The following SORCS2 variants were observed in gnomAD, a reference collection of about 807,000 sequenced individuals.
SORCS2 encodes the protein sortilin related VPS10 domain containing receptor 2.
SORCS2 carries 100 observed loss-of-function variants against 141.6 expected under a neutral mutation model. That is an observed-to-expected ratio of 0.71 (90% CI 0.60 to 0.83). SORCS2 has a LOEUF of 0.83. Among genes scored for constraint, SORCS2 ranks in the 40% least tolerant of loss-of-function variants. The probability of loss-of-function intolerance (pLI) is 0.00; values close to 1 mark genes in which losing one functional copy is unlikely to be tolerated. For missense variants in SORCS2, 1,646 were observed against 1,560.2 expected (o/e 1.05, Z -0.93); for synonymous variants, 789 against 676.9 (o/e 1.17, Z -2.57).
chr4:7,388,356 A>T (rs1433941730), intron 1 of SORCS2, among the ~76,000 whole-genome samples: 3 of 152,244 alleles, frequency 2.0e-5, no homozygotes, highest in African/African-American at 7.2e-5. Flanking sequence ...GGTTTTGGCC[A>T]GATGAGAAAA....
At chr4:7,640,237 T>TGTGA in intron 4 of SORCS2, among the ~76,000 whole-genome samples, 1 of 150,048 alleles carries the variant, frequency 6.7e-6, no homozygotes, top group South Asian at 2.1e-4. Context: ...CGTGTGTGTG[T>TGTGA]GAGAACCTAT....
chr4:7,359,758 G>T (rs373172140), intron 1 of SORCS2, among the ~76,000 whole-genome samples: 6 of 152,180 alleles, frequency 3.9e-5, no homozygotes, highest in Admixed American at 1.3e-4. Flanking sequence ...ATTAAAATCA[G>T]GTCAACAGGA....
intron 1 of SORCS2, among the ~76,000 whole-genome samples, chr4:7,308,881 A>G (rs1718008945): frequency 6.6e-6 from 1 of 152,040 alleles, no homozygotes. Context: ...GCCCGTGCAC[A>G]GCAGCAGCAG....
chr4:7,602,127 C>T (rs957172349), intron 3 of SORCS2, among the ~76,000 whole-genome samples: 2 of 152,276 alleles, frequency 1.3e-5, no homozygotes, highest in African/African-American at 4.8e-5. Flanking sequence ...ACTTCCCCCA[C>T]TTCCACTCGA....
chr4:7,215,018 C>A (rs62289677), intron 1 of SORCS2, among the ~76,000 whole-genome samples: 2 of 151,736 alleles, frequency 1.3e-5, no homozygotes, highest in Non-Finnish European at 2.9e-5. Flanking sequence ...CCTGGGCTCC[C>A]ACTTTGGCGG....
chr4:7,258,056 G>T (rs1391532231), intron 1 of SORCS2, among the ~76,000 whole-genome samples: 1 of 152,210 alleles, frequency 6.6e-6, no homozygotes, highest in Non-Finnish European at 1.5e-5. Context: ...GGGAGTGGTG[G>T]CTTCCAGCAG....
At chr4:7,449,677 C>T (rs1452993129) in intron 2 of SORCS2, among the ~76,000 whole-genome samples, 1 of 151,944 alleles carries the variant, frequency 6.6e-6, no homozygotes, top group Non-Finnish European at 1.5e-5. Context: ...CTCCGGAGCC[C>T]CCACATCCTC....
intron 3 of SORCS2, among the ~76,000 whole-genome samples, chr4:7,597,772 A>G (rs1350769245): frequency 2.6e-5 from 4 of 151,942 alleles, no homozygotes; most frequent in Non-Finnish European, 1.5e-5. Flanking sequence ...CGACATTGAG[A>G]TCTATAAGCA....
chr4:7,548,152 T>G (rs577070674), intron 3 of SORCS2, among the ~76,000 whole-genome samples: 1 of 152,290 alleles, frequency 6.6e-6, no homozygotes, highest in African/African-American at 2.4e-5. Flanking sequence ...GAGGAAGGCC[T>G]TTGAGGGCTC....
At chr4:7,551,059 C>T (rs1393387352) in intron 3 of SORCS2, among the ~76,000 whole-genome samples, 2 of 152,170 alleles carry the variant, frequency 1.3e-5, no homozygotes, top group East Asian at 1.9e-4. Flanking sequence ...TGGATTTGTC[C>T]AGGGAAGGCC....
At chr4:7,560,445 A>G (rs13146469) in intron 3 of SORCS2, among the ~76,000 whole-genome samples, 148,246 of 152,160 alleles carry the variant, frequency 0.97, 72,341 homozygotes, top group East Asian at 1. Flanking sequence ...TTTGTCTCTC[A>G]ATGGCTTGGG....
intron 2 of SORCS2, among the ~76,000 whole-genome samples, chr4:7,404,996 T>C (rs2109137671): frequency 6.6e-6 from 1 of 152,316 alleles, no homozygotes; most frequent in Non-Finnish European, 1.5e-5. Context: ...GGGCCTTACA[T>C]TAAAGTCTTT....
intron 2 of SORCS2, chr4:7,433,398 C>T (rs374876500): frequency 6.7e-7 from 1 of 1,502,648 alleles, no homozygotes; most frequent in South Asian, 1.4e-5. Context: ...GCTTGGCGGC[C>T]TCCTGGCTCC....
intron 2 of SORCS2, among the ~76,000 whole-genome samples, chr4:7,424,734 C>T (rs1010418344): frequency 6.6e-6 from 1 of 152,218 alleles, no homozygotes; most frequent in Non-Finnish European, 1.5e-5. Context: ...GTGCGGGCAC[C>T]GTGGTGGGTG....
chr4:7,367,121 C>T (rs1297957193), intron 1 of SORCS2, among the ~76,000 whole-genome samples: 1 of 152,182 alleles, frequency 6.6e-6, no homozygotes, highest in African/African-American at 2.4e-5. Flanking sequence ...GTGATGTGGC[C>T]CCAGCAATGA....
At chr4:7,394,424 G>T (rs1026550651) in intron 1 of SORCS2, among the ~76,000 whole-genome samples, 1 of 149,018 alleles carries the variant, frequency 6.7e-6, no homozygotes, top group African/African-American at 2.5e-5. Context: ...GTGTATGGAG[G>T]GGGCATTGAG....
chr4:7,262,319 CATCCATCCATCCATCT>C (rs1714397729), intron 1 of SORCS2, among the ~76,000 whole-genome samples: 1 of 147,754 alleles, frequency 6.8e-6, no homozygotes, highest in South Asian at 2.1e-4. Context: ...ACCACCTATC[CATCCATCCATCCATCT>C]ATCCATCCAT....
In SORCS2 at chr4:7,712,377, A is replaced by G. The variant is rs146912534; in HGVS notation, c.1869-356A>G. On this transcript the variant is annotated intron_variant, in intron 14 of 26. Coordinates refer to ENST00000507866, the MANE Select transcript of SORCS2 (RefSeq NM_020777.3). ...GATCATTCCGCAAAACAATGCAAGG[A>G]CCACTGTGGGGGCCGTGGAAGGGCT... Among the ~76,000 whole-genome samples the G allele has an allele frequency of 6.8e-3, 1,038 of 152,310 alleles. 12 individuals are homozygous for G. Among genetic ancestry groups the G allele is most frequent in the African/African-American group, 0.024 (986 of 41,574 alleles).
chr4:7,634,297 TG>T (rs1002208499), intron 3 of SORCS2, among the ~76,000 whole-genome samples: 3 of 151,376 alleles, frequency 2.0e-5, no homozygotes, highest in Non-Finnish European at 4.4e-5. Flanking sequence ...CACTTGAACT[TG>T]GGAGGCAGAG....
Sources: allele counts gnomAD v4.1 joint callset (sites outside exome capture counted in the v4.1 genomes callset), GRCh38; gene constraint gnomAD v4.1.1; transcripts MANE v1.5; gene names NCBI Gene and HGNC (gene_info 2026-07-23, HGNC 2026-07-21).